Variants in ABCA7 observed in about 807,000 individuals in gnomAD.
ABCA7 encodes phospholipid-transporting ATPase ABCA7.
A neutral mutation model predicts 227.6 loss-of-function variants in ABCA7; 261 were observed. The ratio of observed to expected loss-of-function variants is 1.15; its 90% CI spans 1.04 to 1.27. ABCA7 has a LOEUF of 1.27. ABCA7 is among the 50% of genes most tolerant of loss of function. ABCA7 has a pLI of 0.00. For missense variants in ABCA7, 3,331 were observed against 2,924.5 expected, an observed-to-expected ratio of 1.14 and a Z score of -3.21; for synonymous variants, 1,488 against 1,279.7, an observed-to-expected ratio of 1.16 and a Z score of -3.47.
Position 1,042,724 on chromosome 19 carries a change from C to T in ABCA7, c.499-22C>T, listed in dbSNP as rs899669780. 10 of 1,611,636 alleles carry T rather than the reference C, an allele frequency of 6.2e-6. No individual in the cohort carries two copies. In the African/African-American group the frequency reaches 8.0e-5, roughly 13 times the overall value. ...TAGTGAGTGTTCAAAATCATTGTCC[C>T]CCTTGTGGTCTTTCTCCCCAGGAAT... On this transcript the variant is annotated intron_variant, in intron 6 of 46. Transcript: ENST00000263094.
At chr19:1,042,858 G>A (rs2040201002) in intron 7 of ABCA7, 32 bp downstream of exon 7, 1 of 1,539,810 alleles carries the variant, frequency 6.5e-7, no homozygotes, top group African/African-American at 1.4e-5. Flanking sequence ...CAACCCCCAT[G>A]GAGGCAACGT....
At chr19:1,060,207 A>ATATTTTTTTTT in intron 40 of ABCA7, among the ~76,000 whole-genome samples, 46 of 96,854 alleles carry the variant, frequency 4.7e-4, no homozygotes, top group African/African-American at 1.6e-3. Context: ...ATATATATAT[A>ATATTTTTTTTT]TTTTTTTTTC....
Position 1,041,307 on chromosome 19 carries a change from C to T in ABCA7, c.-55C>T, listed in dbSNP as rs1461004399. On this transcript the variant is annotated 5_prime_UTR_variant, in exon 2 of 47. Transcript: ENST00000263094. ...AGTTGCCCGCAGCCGCACCGCACGT[C>T]TTCAGCCCGACCGTTGTCCTGACCT... The T allele has an allele frequency of 3.8e-6, 6 of 1,590,060 alleles. No homozygotes were observed. The highest frequency in any genetic ancestry group is 2.7e-5 in the African/African-American group (2 of 74,456).
chr19:1,054,623 G>T lies in ABCA7; in HGVS notation c.3780G>T (p.Val1260=). 1 of 1,613,354 alleles carries T rather than the reference G, an allele frequency of 6.2e-7. No homozygotes were observed. The highest frequency in any genetic ancestry group is 8.5e-7 in the Non-Finnish European group (1 of 1,179,954). The part of the protein sequence containing the change: ...VGLALVFSLI[V]PPFGHYPALR... The stretch of plus-strand genomic sequence containing the variant: ...TGGCCCTCGTGTTCAGCCTCATCGT[G>T]CCTCCTTTCGGGCACTACCCGGCTC... The change falls in exon 28 of 47, where the codon GTG becomes GTT. Residue 1260 remains valine (V), a synonymous_variant. Coordinates refer to ENST00000263094, the MANE Select transcript of ABCA7 (RefSeq NM_019112.4). This position sits in a 1 kb window ranked among gnomAD's most constrained non-coding sequence, Gnocchi z 4.8.
Position 1,054,028 on chromosome 19 carries a change from ATGCACAGGCATTGC to A in ABCA7, c.3498_3511del (p.Cys1166TrpfsTer30). On this transcript the variant is annotated frameshift_variant, in exon 26 of 47. Transcript: ENST00000263094. LOFTEE classifies it high-confidence loss of function. The surrounding 1 kb of genome is among the most constrained non-coding windows in gnomAD (Gnocchi z 4.8). ...CAGATGGCAGCTGCGGGCAGCACCTATGCACAGGCATTGCTGGCCTAGACGTAACCCTACGGCTC... is the reference window on the plus strand; with the variant it reads ...CAGATGGCAGCTGCGGGCAGCACCTATGGCCTAGACGTAACCCTACGGCTC... The A allele has an allele frequency of 6.2e-7, 1 of 1,613,288 alleles. No homozygotes were observed. The highest frequency in any genetic ancestry group is 8.5e-7 in the Non-Finnish European group (1 of 1,179,954).
chr19:1,048,877 C>T lies in ABCA7; in HGVS notation c.2270-18C>T. The T allele has an allele frequency of 1.3e-6, 2 of 1,526,292 alleles. No individual in the cohort carries two copies. The highest frequency in any genetic ancestry group is 1.4e-5 in the African/African-American group (1 of 72,816). The allele number at this position is 1,526,292 out of a possible 1,614,324, so 94.5% of individuals were successfully genotyped here. On this transcript the variant is annotated intron_variant, in intron 16 of 46. Coordinates refer to ENST00000263094, the MANE Select transcript of ABCA7 (RefSeq NM_019112.4). The stretch of plus-strand genomic sequence containing the variant: ...CCTGGGGGGTGGGCTAAGCAATAAC[C>T]CGCGCCCCTCCCCGCAGGCCAGTAC...
At chr19:1,055,718 T>G (rs1238954365) in intron 30 of ABCA7, among the ~76,000 whole-genome samples, 189 bp from the exon 31 acceptor site, 1 of 152,068 alleles carries the variant, frequency 6.6e-6, no homozygotes, top group Non-Finnish European at 1.5e-5. Context: ...GCCAGGCTGG[T>G]CTCGAACTCC....
At chr19:1,058,341 A>G in intron 37 of ABCA7, 72 bp downstream of exon 37, 1 of 1,574,206 alleles carries the variant, frequency 6.4e-7, no homozygotes, top group Admixed American at 1.8e-5. Context: ...AGTTAATTAT[A>G]CAGAGTGGAG....
intron 16 of ABCA7, among the ~76,000 whole-genome samples, chr19:1,048,237 C>T (rs903305308): frequency 2.7e-5 from 4 of 150,504 alleles, no homozygotes; most frequent in Non-Finnish European, 5.9e-5. Context: ...GTGGCTCACG[C>T]CTGTAATCCC....
chr19:1,045,793 G>A (rs1050440530), intron 12 of ABCA7, among the ~76,000 whole-genome samples: 4 of 151,934 alleles, frequency 2.6e-5, no homozygotes, highest in Admixed American at 1.3e-4. Context: ...GAGGTCAGGA[G>A]ATCAAGACCA....
At chr19:1,040,752 G>A (rs2039949243) in intron 1 of ABCA7, among the ~76,000 whole-genome samples, 1 of 152,140 alleles carries the variant, frequency 6.6e-6, no homozygotes, top group Non-Finnish European at 1.5e-5. Flanking sequence ...GGGCAGAGCT[G>A]GGGTCGTGCC....
In ABCA7 at chr19:1,042,370, G is replaced by A. The variant is rs140240982; in HGVS notation, c.471G>A (p.Ala157=). 8.1e-6 allele frequency: 13 copies of A among 1,605,354 alleles called. 1 individual carries two copies. Among genetic ancestry groups the A allele is most frequent in the South Asian group, 6.6e-5 (6 of 90,630 alleles). ...TGGAACCACCCATGCTGGATGTCGC[G>A]GAGCTGCTGACGTCACTGCTGCGCA... The part of the protein sequence containing the change: ...SPLEPPMLDV[A]ELLTSLLRTE... Residue 157 remains alanine (A), a synonymous_variant, in exon 6 of 47, where the codon GCG becomes GCA. Coordinates refer to ENST00000263094, the MANE Select transcript of ABCA7 (RefSeq NM_019112.4).
In ABCA7 at chr19:1,049,000, C is replaced by A; in HGVS notation, c.2375C>A (p.Pro792Gln). 1.3e-6 allele frequency: 2 copies of A among 1,584,534 alleles called. No individual in the cohort carries two copies. The highest frequency in any genetic ancestry group is 8.6e-7 in the Non-Finnish European group (1 of 1,163,192). ...SPAPCPTPLDPKVLVEEAPPG... is the reference protein window; with the variant it reads ...SPAPCPTPLDQKVLVEEAPPG... ...GCCCCTTGCCCCACCCCGCTGGACC[C>A]AAAGGGTGAGGCACTACGAGGCTTA... is the stretch of plus-strand genomic sequence containing the variant. Residue 792 changes from proline to glutamine, a missense_variant, in exon 17 of 47, where the codon CCA becomes CAA. Physicochemically the swap from Pro to Gln is moderately conservative, Grantham distance 76 (BLOSUM62 -1). Coordinates refer to ENST00000263094, the MANE Select transcript of ABCA7 (RefSeq NM_019112.4).
Position 1,054,186 on chromosome 19 carries a change from C to T in ABCA7, c.3578-7C>T, listed in dbSNP as rs2042035670. 1 of 1,610,236 alleles carries T rather than the reference C, an allele frequency of 6.2e-7. No individual in the cohort carries two copies. The highest frequency in any genetic ancestry group is 8.5e-7 in the Non-Finnish European group (1 of 1,178,362). ...AGCGTGAGCACTGACCCTCTCATCC[C>T]TCACAGCTGGGTCAGCCCCAGAGAC... On this transcript the variant is annotated splice_region_variant and splice_polypyrimidine_tract_variant and intron_variant, in intron 26 of 46. Coordinates refer to ENST00000263094, the MANE Select transcript of ABCA7 (RefSeq NM_019112.4). The surrounding 1 kb of genome is among the most constrained non-coding windows in gnomAD (Gnocchi z 4.8).
At chr19:1,043,956 G>A in intron 10 of ABCA7, 115 bp downstream of exon 10, 1 of 632,730 alleles carries the variant, frequency 1.6e-6, no homozygotes, top group Non-Finnish European at 2.5e-6. Flanking sequence ...TTTTTTTTTT[G>A]AGATGGAGTC....
rs1340433981 is a variant in ABCA7, at chr19:1,041,857, T to C, written c.187T>C (p.Ser63Pro). Residue 63 changes from serine to proline, a missense_variant, in exon 4 of 47, where the codon TCG becomes CCG. Physicochemically the swap from Ser to Pro is moderately conservative, Grantham distance 74. Transcript: ENST00000263094. ...ECHFPNKPLP[S>P]AGTVPWLQGL... The stretch of plus-strand genomic sequence containing the variant: ...CCACTTCCCAAACAAGCCACTGCCA[T>C]CGGCGGGCACCGTGCCCTGGCTCCA... 2 of 1,600,528 alleles carry C rather than the reference T, an allele frequency of 1.2e-6. No homozygotes were observed. The highest frequency in any genetic ancestry group is 1.3e-5 in the African/African-American group (1 of 75,006).
In ABCA7 at chr19:1,061,866, G is replaced by A. The variant is rs530609497; in HGVS notation, c.5548G>A (p.Glu1850Lys). Reference sequence around the variant, plus strand: ...GGGGGACACATTGGCCAGCAGGGGCGAGGCTGTGCTGGCAGGCCACAGGTG... The same window carrying A: ...GGGGGACACATTGGCCAGCAGGGGCAAGGCTGTGCTGGCAGGCCACAGGTG... ...VTGDTLASRG[E>K]AVLAGHSVAR... Residue 1850 changes from glutamate to lysine, a missense_variant, in exon 41 of 47, where the codon GAG (glutamate) becomes AAG (lysine). Coordinates refer to ENST00000263094, the MANE Select transcript of ABCA7 (RefSeq NM_019112.4). The A allele has an allele frequency of 3.3e-5, 52 of 1,599,202 alleles. No individual in the cohort carries two copies. The highest frequency in any genetic ancestry group is 1.6e-4 in the South Asian group (14 of 88,252).
In ABCA7 at chr19:1,055,218, G is replaced by C; in HGVS notation, c.4072G>C (p.Asp1358His). Reference sequence around the variant, plus strand: ...GCCCGGTGCCCGGCGCCTGCTGCCCGACTGCCCGGCTGCAGCTGGTGGTCC... The same window carrying C: ...GCCCGGTGCCCGGCGCCTGCTGCCCCACTGCCCGGCTGCAGCTGGTGGTCC... The part of the protein sequence containing the change: ...SRPGARRLLP[D>H]CPAAAGGPPP... Residue 1358 changes from aspartate (D) to histidine (H), a missense_variant, in exon 30 of 47, where the codon GAC (aspartate) becomes CAC (histidine). By Grantham distance (81) the Asp-to-His change is moderately conservative. Transcript: ENST00000263094. The C allele has an allele frequency of 1.2e-6, 2 of 1,608,168 alleles. No individual in the cohort carries two copies. Among genetic ancestry groups the C allele is most frequent in the Middle Eastern group, 1.7e-4 (1 of 6,040 alleles).
intron 35 of ABCA7, 75 bp from the exon 36 acceptor site, chr19:1,057,840 G>A: frequency 2.6e-6 from 4 of 1,548,408 alleles, no homozygotes; most frequent in South Asian, 2.3e-5. Flanking sequence ...AGAGAAGATG[G>A]GAATGGAGAT....
Sources: allele counts gnomAD v4.1 joint callset (sites outside exome capture counted in the v4.1 genomes callset), GRCh38; gene constraint gnomAD v4.1.1; non-coding constraint Gnocchi (gnomAD v3.1); transcripts MANE v1.5; gene names NCBI Gene and HGNC (gene_info 2026-07-23, HGNC 2026-07-21).